The following ZNF529 variants were observed in gnomAD, a reference collection of about 807,000 sequenced individuals.
ZNF529 encodes zinc finger protein 529.
Under a neutral mutation model 10.1 loss-of-function variants are expected in ZNF529, and 11 were observed. That is an observed-to-expected ratio of 1.09 (90% confidence interval 0.69 to 1.81). ZNF529 has a LOEUF of 1.81. ZNF529 is among the 40% of genes most tolerant of loss of function. The pLI, the probability that ZNF529 is intolerant of heterozygous loss-of-function variation, is 0.00. For synonymous variants in ZNF529, 204 were observed against 215.7 expected, an observed-to-expected ratio of 0.95 and a Z score of 0.47; for missense variants, 624 against 666.8, an observed-to-expected ratio of 0.94 and a Z score of 0.71.
intron 4 of ZNF529, among the ~76,000 whole-genome samples, chr19:36,554,293 C>A (rs967634331): frequency 5.9e-5 from 9 of 152,106 alleles, no homozygotes; most frequent in Non-Finnish European, 1.3e-4. Context: ...AAAACATAGC[C>A]TTGAGGACGG....
intron 2 of ZNF529, among the ~76,000 whole-genome samples, chr19:36,569,122 G>C (rs1367631957): frequency 1.3e-5 from 2 of 152,286 alleles, no homozygotes; most frequent in South Asian, 2.1e-4. Flanking sequence ...TACAGACCCA[G>C]GAAAAACGTA....
chr19:36,546,955 C>G lies in ZNF529; in HGVS notation c.1603G>C (p.Glu535Gln), dbSNP rs769335591. The change falls in exon 5 of 5, where the codon GAA becomes CAA. Residue 535 changes from glutamate to glutamine, a missense_variant. Transcript: ENST00000591340. The stretch of plus-strand genomic sequence containing the variant: ...AAGGAATTCCCACACTCCTTACATT[C>G]ATAGGGTTTATCATCAGTATGAATG... ...QRIHTDDKPYECKECGNSFSV... is the reference protein window; with the variant it reads ...QRIHTDDKPYQCKECGNSFSV... 3 of 1,613,892 alleles carry G rather than the reference C, an allele frequency of 1.9e-6. No homozygotes were observed. Among genetic ancestry groups the G allele is most frequent in the Non-Finnish European group, 2.5e-6 (3 of 1,179,856 alleles).
chr19:36,550,197 T>C (rs2035206823), intron 4 of ZNF529, among the ~76,000 whole-genome samples: 1 of 152,158 alleles, frequency 6.6e-6, no homozygotes, highest in Admixed American at 6.5e-5. Context: ...AAAACCAGAT[T>C]TGAGTGCCAG....
rs567445941 is a variant in ZNF529 at position 36,568,090 on chromosome 19, AAAT to A, written c.14+4240_14+4242del. On this transcript the variant is annotated intron_variant, in intron 2 of 4. Coordinates refer to ENST00000591340, the MANE Select transcript of ZNF529 (RefSeq NM_020951.5). ...TGCTGAAAATCATTAGACAATAGGA[AAAT>A]AATAACAGAACCATGAGAATAACAT... is the stretch of plus-strand genomic sequence containing the variant. Among the ~76,000 whole-genome samples, 32 of 152,322 alleles carry A rather than the reference AAAT, an allele frequency of 2.1e-4. No individual in the cohort carries two copies. The South Asian group carries it at 2.5e-3, about 12-fold the overall frequency.
At chr19:36,562,768 C>T (rs971124098) in intron 2 of ZNF529, among the ~76,000 whole-genome samples, 18 of 145,672 alleles carry the variant, frequency 1.2e-4, no homozygotes, top group Admixed American at 2.8e-4. Flanking sequence ...ACCTGGGAGG[C>T]GGAGCTTGCA....
In ZNF529 at chr19:36,554,716, C is replaced by T; in HGVS notation, c.189G>A (p.Leu63=). 6.3e-7 allele frequency: 1 copy of T among 1,576,544 alleles called. No homozygotes were observed. Among genetic ancestry groups the T allele is most frequent in the Non-Finnish European group, 8.6e-7 (1 of 1,159,988 alleles). The part of the protein sequence containing the change: ...WEYLDSAQRN[L]YWDVMMENYS... ...AGTTCTCCATCATCACATCCCAGTA[C>T]AAGTTCCTCTGAGCAGAATCCAGAT... The change falls in exon 4 of 5, where the codon TTG becomes TTA. Residue 63 remains leucine, a synonymous_variant. Transcript: ENST00000591340.
chr19:36,554,291 G>C (rs2035370716), intron 4 of ZNF529, among the ~76,000 whole-genome samples: 1 of 152,074 alleles, frequency 6.6e-6, no homozygotes, highest in African/African-American at 2.4e-5. Flanking sequence ...TTAAAACATA[G>C]CCTTGAGGAC....
In ZNF529 at chr19:36,547,053, C is replaced by T; in HGVS notation, c.1505G>A (p.Gly502Glu). The change falls in exon 5 of 5, where the codon GGA (glycine) becomes GAA (glutamate). Residue 502 changes from glycine to glutamate, a missense_variant. Gly to Glu is a moderately conservative substitution (Grantham distance 98). Coordinates refer to ENST00000591340, the MANE Select transcript of ZNF529 (RefSeq NM_020951.5). ...TGCCTTGCATTCATAGGGTTTTTCT[C>T]CAGTATGAATTCTCTGATGTTCTGT... ...ALTEHQRIHT[G>E]EKPYECKACG... 1 of 1,613,926 alleles carries T rather than the reference C, an allele frequency of 6.2e-7. No homozygotes were observed. The highest frequency in any genetic ancestry group is 8.5e-7 in the Non-Finnish European group (1 of 1,179,934).
At chr19:36,561,051 G>A (rs2035673094) in intron 2 of ZNF529, among the ~76,000 whole-genome samples, 1 of 152,196 alleles carries the variant, frequency 6.6e-6, no homozygotes, top group Non-Finnish European at 1.5e-5. Flanking sequence ...ATAGGAGAAT[G>A]AACCCAATGG....
In ZNF529 at chr19:36,546,325, A is replaced by C. The variant is rs2035019721; in HGVS notation, c.*541T>G. ...GGGGGGAATATGTTGTATCAAAATA[A>C]AGTAGAAATTTAAAGAGAAGTCAAC... On this transcript the variant is annotated 3_prime_UTR_variant, in exon 5 of 5. Transcript: ENST00000591340. The C allele has an allele frequency of 1.3e-5, 2 of 152,084 alleles. No homozygotes were observed. The highest frequency in any genetic ancestry group is 4.1e-4 in the South Asian group (2 of 4,826). 9.4% of individuals were successfully genotyped at this position (152,084 alleles called of 1,614,324 possible).
intron 2 of ZNF529, among the ~76,000 whole-genome samples, chr19:36,557,143 A>C (rs2035507784): frequency 6.6e-6 from 1 of 152,180 alleles, no homozygotes; most frequent in South Asian, 2.1e-4. Flanking sequence ...AGTTGCAATT[A>C]GTGGTGCTTA....
intron 2 of ZNF529, among the ~76,000 whole-genome samples, chr19:36,586,539 A>G (rs2036583492): frequency 6.6e-6 from 1 of 152,048 alleles, no homozygotes; most frequent in Non-Finnish European, 1.5e-5. Context: ...CAGGAGATGG[A>G]GGCTGCAGTA....
intron 4 of ZNF529, among the ~76,000 whole-genome samples, chr19:36,553,258 C>T (rs1233696446): frequency 6.6e-6 from 1 of 152,176 alleles, no homozygotes; most frequent in East Asian, 1.9e-4. Flanking sequence ...GCCTCAGCCT[C>T]CTGAGTAGCT....
At chr19:36,548,893 C>T (rs1420561282) in intron 4 of ZNF529, among the ~76,000 whole-genome samples, 1 of 152,176 alleles carries the variant, frequency 6.6e-6, no homozygotes, top group Admixed American at 6.6e-5. Context: ...GTCCCAGCTA[C>T]TTGGGAGGCT....
Position 36,545,889 on chromosome 19 carries a change from A to G in ZNF529, c.*977T>C, listed in dbSNP as rs2034990068. 1 of 151,948 alleles carries G rather than the reference A, an allele frequency of 6.6e-6. No homozygotes were observed. Among genetic ancestry groups the G allele is most frequent in the South Asian group, 2.1e-4 (1 of 4,816 alleles). The allele number at this position is 151,948 out of a possible 1,614,324, so 9.4% of individuals were successfully genotyped here. A position where few individuals can be genotyped will look rare whatever the true frequency, so the allele number is the denominator to read the frequency against. Reference sequence around the variant, plus strand: ...ACTTACTGGGTGAGTAGTTTTATCAAATATTTAAAAGAGTTCTCTTCATTT... The same window carrying G: ...ACTTACTGGGTGAGTAGTTTTATCAGATATTTAAAAGAGTTCTCTTCATTT... On this transcript the variant is annotated 3_prime_UTR_variant, in exon 5 of 5. Transcript: ENST00000591340.
At chr19:36,573,598 G>A (rs1197688340), upstream of ZNF529, 3 of 426,498 alleles carry the variant, frequency 7.0e-6, no homozygotes, top group African/African-American at 4.1e-5. Flanking sequence ...GGGCGAGGGT[G>A]GTCTTGGGGG....
At chr19:36,596,983 T>G (rs1234151068) in intron 1 of ZNF529, among the ~76,000 whole-genome samples, 2 of 151,622 alleles carry the variant, frequency 1.3e-5, no homozygotes, top group Non-Finnish European at 2.9e-5. Context: ...AAGTGATCCT[T>G]CCGCCTCAGC....
chr19:36,578,733 C>G (rs2036396849), intron 2 of ZNF529, among the ~76,000 whole-genome samples: 2 of 151,836 alleles, frequency 1.3e-5, no homozygotes, highest in Admixed American at 1.3e-4. Context: ...CTCAGCCTCC[C>G]TGGTAGCTGG....
rs888031537 is a variant in ZNF529 at position 36,599,865 on chromosome 19, C to CT, written c.-128+5260dup. On this transcript the variant is annotated intron_variant, in intron 1 of 4. Transcript: ENST00000585960. ...ACAAGCCTACCAAGTCTTGCACATT[C>CT]TTTTTTTTTTTTTCTTTTTTTGAGA... is the stretch of plus-strand genomic sequence containing the variant. Among the ~76,000 whole-genome samples, 1,207 of 144,614 alleles carry CT rather than the reference C, an allele frequency of 8.3e-3. 9 individuals are homozygous for CT. The highest frequency in any genetic ancestry group is 0.025 in the African/African-American group (974 of 39,670). The allele number at this position is 144,614 out of a possible 152,430, so 94.9% of individuals were successfully genotyped here. A position where few individuals can be genotyped will look rare whatever the true frequency, so the allele number is the denominator to read the frequency against.
Sources: allele counts gnomAD v4.1 joint callset (sites outside exome capture counted in the v4.1 genomes callset), GRCh38; gene constraint gnomAD v4.1.1; transcripts MANE v1.5; gene names NCBI Gene and HGNC (gene_info 2026-07-23, HGNC 2026-07-21).